CUL2: variants seen among roughly 807,000 people sequenced by gnomAD.
The protein encoded by CUL2 is cullin 2, also known as cullin-2.
In CUL2, 22 loss-of-function variants were observed where a neutral mutation model predicts 110.2. That is an observed-to-expected ratio of 0.20 (90% CI 0.14 to 0.28). CUL2 has a LOEUF of 0.28. Ranked by LOEUF, CUL2 falls within the 10% of genes least tolerant of loss-of-function variation. The pLI is 1.00. For missense variants in CUL2, 631 were observed against 905.5 expected (o/e 0.70, Z 3.89); for synonymous variants, 279 against 293.2 (o/e 0.95, Z 0.49).
intron 6 of CUL2, among the ~76,000 whole-genome samples, chr10:35,049,246 A>G (rs1036289734): frequency 2.0e-5 from 3 of 152,232 alleles, no homozygotes; most frequent in Admixed American, 2.0e-4. Flanking sequence ...TCACAGAATT[A>G]GGCAAGTTAT....
chr10:35,048,239 A>G (rs960082331), intron 6 of CUL2, among the ~76,000 whole-genome samples: 2 of 152,210 alleles, frequency 1.3e-5, no homozygotes, highest in Non-Finnish European at 1.5e-5. Flanking sequence ...GTCATGAAGA[A>G]TAAGTGAGAT....
At chr10:35,010,551 T>C (rs1564690503) in intron 20 of CUL2, 109 bp from the exon 21 acceptor site, 1 of 1,016,672 alleles carries the variant, frequency 9.8e-7, no homozygotes, top group Non-Finnish European at 1.3e-6. Context: ...TTTCAACAAA[T>C]GGGCCAAATT....
chr10:35,027,655 G>A (rs937457547), intron 16 of CUL2, among the ~76,000 whole-genome samples: 18 of 152,114 alleles, frequency 1.2e-4, no homozygotes, highest in Admixed American at 3.9e-4. Flanking sequence ...CACTAAGGCA[G>A]GATGGATTAA....
chr10:35,031,505 C>A lies in CUL2; in HGVS notation c.1285G>T (p.Asp429Tyr). Residue 429 changes from aspartate (D) to tyrosine (Y), a missense_variant, in exon 13 of 21, where the codon GAC becomes TAC. This residue lies in a region of CUL2 where 134 missense variants were observed against 260.4 expected (regional missense o/e 0.51). Coordinates refer to ENST00000374749, the MANE Select transcript of CUL2 (RefSeq NM_003591.4). The surrounding 1 kb of genome is among the most constrained non-coding windows in gnomAD (Gnocchi z 4.4). ...ITVFKYIDDK[D>Y]VFQKFYARML... ...TCACAACATACCTTTTGAAAGACGT[C>A]CTTGTCATCAATGTATTTGAACACT... The A allele has an allele frequency of 6.2e-7, 1 of 1,613,960 alleles. No individual in the cohort carries two copies. Among genetic ancestry groups the A allele is most frequent in the Non-Finnish European group, 8.5e-7 (1 of 1,179,898 alleles).
rs1048711841 is a variant in CUL2 at position 35,044,759 on chromosome 10, G to C, written c.603+13C>G. 6.3e-7 allele frequency: 1 copy of C among 1,596,746 alleles called. No individual in the cohort carries two copies. The highest frequency in any genetic ancestry group is 1.1e-5 in the South Asian group (1 of 89,086). On this transcript the variant is annotated intron_variant, in intron 7 of 20. Coordinates refer to ENST00000374749, the MANE Select transcript of CUL2 (RefSeq NM_003591.4). ...AACAGTCTGATTATTTGTTTTTAAA[G>C]GAGGCTGTTTACCTTTAAGGGGAAT...
intron 17 of CUL2, among the ~76,000 whole-genome samples, chr10:35,017,968 C>T (rs1376952641): frequency 6.6e-6 from 1 of 151,712 alleles, no homozygotes; most frequent in Non-Finnish European, 1.5e-5. Flanking sequence ...ACACACACGG[C>T]CTGCATTATT....
Position 35,044,576 on chromosome 10 carries a change from T to C in CUL2, c.704A>G (p.Tyr235Cys). Reference protein sequence around the residue: ...NLLQESNCSQYMEKVLGRLKD... With the variant: ...NLLQESNCSQCMEKVLGRLKD... ...TGTTTTATTTCTTACCTTTTCCATA[T>C]ACTGTGAGCAGTTTGATTCTTGTAA... Residue 235 changes from tyrosine to cysteine, a missense_variant, in exon 8 of 21, where the codon TAT (tyrosine) becomes TGT (cysteine). Tyr to Cys is a radical substitution (Grantham distance 194). Around this residue, in one of 3 missense-constraint regions of CUL2, gnomAD observed 338 missense variants for 442.5 expected, o/e 0.76. Transcript: ENST00000374749. The C allele has an allele frequency of 6.3e-7, 1 of 1,589,972 alleles. No homozygotes were observed. The highest frequency in any genetic ancestry group is 8.6e-7 in the Non-Finnish European group (1 of 1,164,268).
intron 18 of CUL2, among the ~76,000 whole-genome samples, chr10:35,014,779 G>A (rs1311382973): frequency 6.6e-6 from 1 of 152,130 alleles, no homozygotes; most frequent in African/African-American, 2.4e-5. Flanking sequence ...ATTGCAGTGA[G>A]CTGAGATGGC....
chr10:35,027,345 T>C (rs953118443), intron 16 of CUL2, among the ~76,000 whole-genome samples: 34 of 151,998 alleles, frequency 2.2e-4, no homozygotes, highest in African/African-American at 8.0e-4. Context: ...GGGGTTTCAC[T>C]GTGTTAGCCA....
chr10:35,103,318 T>TTA (rs2087409888), intron 1 of CUL2, among the ~76,000 whole-genome samples: 1 of 112,350 alleles, frequency 8.9e-6, no homozygotes, highest in East Asian at 2.4e-4. Flanking sequence ...ATTTTTTTTT[T>TTA]TTTTTTTTTT....
chr10:35,040,382 G>A (rs967617864), intron 8 of CUL2, among the ~76,000 whole-genome samples: 7 of 152,086 alleles, frequency 4.6e-5, no homozygotes, highest in South Asian at 2.1e-4. Flanking sequence ...CAAATGCACC[G>A]GCTTGGAAAC....
rs865855576 is a variant in CUL2, at chr10:35,103,324, T to A, written c.-50-2264A>T. ...GCCAAGCTAATTTTTTTTTTTTTTT[T>A]TTTTTTTTATTTTTTTTTGAGACGG... is the stretch of plus-strand genomic sequence containing the variant. On this transcript the variant is annotated intron_variant, in intron 1 of 5. Coordinates refer to the CUL2 transcript ENST00000685421. Among the ~76,000 whole-genome samples the A allele has an allele frequency of 1.3e-3, 150 of 118,592 alleles. 2 individuals carry two copies. Among genetic ancestry groups the A allele is most frequent in the South Asian group, 9.9e-3 (32 of 3,248 alleles). The allele number at this position is 118,592 out of a possible 152,430, so 77.8% of individuals were successfully genotyped here.
At chr10:35,045,031 T>C (rs2085898631) in intron 6 of CUL2, among the ~76,000 whole-genome samples, 163 bp from the exon 7 acceptor site, 1 of 152,180 alleles carries the variant, frequency 6.6e-6, no homozygotes, top group Non-Finnish European at 1.5e-5. Context: ...TTTTTTTATA[T>C]CACAGCTGAG....
chr10:35,060,897 T>G lies in CUL2; in HGVS notation c.294A>C (p.Ala98=), dbSNP rs2086364599. 6.2e-7 allele frequency: 1 copy of G among 1,613,886 alleles called. No homozygotes were observed. Among genetic ancestry groups the G allele is most frequent in the African/African-American group, 1.3e-5 (1 of 74,940 alleles). The change falls in exon 4 of 21, where the codon GCA becomes GCC. Residue 98 remains alanine (A), a synonymous_variant. Transcript: ENST00000374749. The part of the protein sequence containing the change: ...HRYWEEYSKG[A]DYMDCLYRYL... ...ACCTATATAAGCAGTCCATATAGTCTGCACCCTTGCTGTATTCTTCCCAGT... is the reference window on the plus strand; with the variant it reads ...ACCTATATAAGCAGTCCATATAGTCGGCACCCTTGCTGTATTCTTCCCAGT...
At position 35,033,282 on chromosome 10, in the gene CUL2, G is replaced by C. The variant is rs2085524140; in HGVS notation, c.1003-9C>G. 2 of 1,586,424 alleles carry C rather than the reference G, an allele frequency of 1.3e-6. No individual in the cohort carries two copies. Among genetic ancestry groups the C allele is most frequent in the Non-Finnish European group, 1.7e-6 (2 of 1,155,376 alleles). On this transcript the variant is annotated splice_polypyrimidine_tract_variant and intron_variant, in intron 10 of 20. Transcript: ENST00000374749. ...ACAAATAGTGTTGGCATCTAAAAAT[G>C]AAATATAAGTACAAAACCACATTTT...
At chr10:35,126,601 C>A (rs1261115460) in intron 1 of CUL2, 1 of 152,320 alleles carries the variant, frequency 6.6e-6, no homozygotes, top group Non-Finnish European at 1.5e-5. Context: ...AGGAAGAAAC[C>A]GACCTCGAGA....
intron 1 of CUL2, among the ~76,000 whole-genome samples, chr10:35,103,370 G>A (rs1438452811): frequency 7.0e-6 from 1 of 143,658 alleles, no homozygotes; most frequent in African/African-American, 2.6e-5. Flanking sequence ...TGTCGCCCAG[G>A]CTGGAGCGCA....
intron 4 of CUL2, among the ~76,000 whole-genome samples, chr10:35,059,198 G>A (rs990057258): frequency 6.6e-6 from 1 of 152,240 alleles, no homozygotes; most frequent in Non-Finnish European, 1.5e-5. Flanking sequence ...GGCAGGGTTT[G>A]AGAGGACTGA....
intron 4 of CUL2, among the ~76,000 whole-genome samples, chr10:35,055,350 C>A (rs2086216336): frequency 1.3e-5 from 2 of 152,204 alleles, no homozygotes; most frequent in Non-Finnish European, 2.9e-5. Flanking sequence ...AAATTCACTA[C>A]ACCAAAATGA....
Sources: gnomAD v4.1 joint callset for allele counts (sites outside exome capture counted in the v4.1 genomes callset) on GRCh38, gnomAD v4.1.1 for gene constraint, gnomAD v4.1.1 regional missense constraint, Gnocchi (gnomAD v3.1) non-coding constraint, MANE v1.5 for transcripts, NCBI Gene and HGNC (gene_info 2026-07-23, HGNC 2026-07-21) for gene names.